ABAT: variants seen among roughly 807,000 people sequenced by gnomAD.
The protein encoded by ABAT is 4-aminobutyrate aminotransferase, mitochondrial.
In ABAT, 45 loss-of-function variants were observed where a neutral mutation model predicts 64.6. The observed-to-expected ratio is 0.70, with a 90% CI of 0.55 to 0.89. The LOEUF (loss-of-function observed/expected upper bound fraction) is 0.89. Among genes scored for constraint, ABAT ranks in the 40% least tolerant of loss-of-function variants. The pLI, the probability that ABAT is intolerant of heterozygous loss-of-function variation, is 0.00. For synonymous variants in ABAT, 297 were observed against 250.5 expected (o/e 1.19, Z -1.75); for missense variants, 633 against 658.4 (o/e 0.96, Z 0.42).
At position 8,738,016 on chromosome 16, in the gene ABAT, G is replaced by GAAAGAAAGAAAGAAA. The variant is rs377342959; in HGVS notation, c.70+2207_70+2208insAAAGAAAGAAAGAAA. ...GGAAAGAAAGAAAGAAAGAAAGAAA[G>GAAAGAAAGAAAGAAA]GAAAGAAAGAAAGAAGGACAGACAG... is the stretch of plus-strand genomic sequence containing the variant. On this transcript the variant is annotated intron_variant, in intron 2 of 15. Transcript: ENST00000268251. Among the ~76,000 whole-genome samples, 151 of 57,726 alleles carry GAAAGAAAGAAAGAAA rather than the reference G, an allele frequency of 2.6e-3. 18 individuals are homozygous for GAAAGAAAGAAAGAAA. Among genetic ancestry groups the GAAAGAAAGAAAGAAA allele is most frequent in the Middle Eastern group, 8.6e-3 (1 of 116 alleles). The allele number at this position is 57,726 out of a possible 152,430, so 37.9% of individuals were successfully genotyped here. A position where few individuals can be genotyped will look rare whatever the true frequency, so the allele number is the denominator to read the frequency against.
At position 8,764,775 on chromosome 16, in the gene ABAT, C is replaced by T. The variant is rs2059895143; in HGVS notation, c.485C>T (p.Ala162Val). 1.2e-6 allele frequency: 2 copies of T among 1,614,150 alleles called. No homozygotes were observed. Among genetic ancestry groups the T allele is most frequent in the Non-Finnish European group, 1.7e-6 (2 of 1,180,028 alleles). ...PKGMSQLITM[A>V]CGSCSNENAL... ...GGGATGTCCCAGCTCATCACCATGG[C>T]CTGCGGCTCCTGCTCCAATGAAAAC... Residue 162 changes from alanine to valine, a missense_variant, in exon 8 of 16, where the codon GCC (alanine) becomes GTC (valine). Ala to Val is a moderately conservative substitution (Grantham distance 64). Transcript: ENST00000268251. The surrounding 1 kb of genome is among the most constrained non-coding windows in gnomAD (Gnocchi z 4.2).
At chr16:8,778,466 T>G (rs1617601) in intron 14 of ABAT, among the ~76,000 whole-genome samples, 10,290 of 152,200 alleles carry the variant, frequency 0.068, 489 homozygotes, top group Admixed American at 0.15. Flanking sequence ...CCAGATTGTC[T>G]TCTTCTTATA....
chr16:8,702,703 G>A (rs1017694572), intron 1 of ABAT, among the ~76,000 whole-genome samples: 3 of 79,906 alleles, frequency 3.8e-5, no homozygotes, highest in South Asian at 4.6e-4. Context: ...ACGTTTCAAC[G>A]TGAGATTTGG....
At position 8,773,043 on chromosome 16, in the gene ABAT, G is replaced by T. The variant is rs546908284; in HGVS notation, c.954+126G>T. ...ATCTCCAGACTTGCAGAGGCTGTCT[G>T]TCAGCATCAGGGGTGGAGAAGTTGG... On this transcript the variant is annotated intron_variant, in intron 12 of 15. Transcript: ENST00000268251. 86 of 1,334,408 alleles carry T rather than the reference G, an allele frequency of 6.4e-5. 1 individual carries two copies. In the South Asian group the frequency reaches 9.2e-4, roughly 14 times the overall value. The allele number at this position is 1,334,408 out of a possible 1,614,324, so 82.7% of individuals were successfully genotyped here. A position where few individuals can be genotyped will look rare whatever the true frequency, so the allele number is the denominator to read the frequency against.
intron 11 of ABAT, among the ~76,000 whole-genome samples, chr16:8,771,510 A>G (rs2060109375): frequency 7.1e-6 from 1 of 141,602 alleles, no homozygotes; most frequent in Non-Finnish European, 1.5e-5. Context: ...TCTCTTGCCC[A>G]GGCTGGGGTG....
intron 1 of ABAT, among the ~76,000 whole-genome samples, chr16:8,711,810 G>GGATGGATA (rs1555485830): frequency 0.065 from 7,142 of 109,174 alleles, 257 homozygotes; most frequent in Middle Eastern, 0.13. Flanking sequence ...ATGGATGGAT[G>GGATGGATA]GATGGATGGA....
At chr16:8,689,988 A>G (rs1309726268) in intron 1 of ABAT, among the ~76,000 whole-genome samples, 2 of 152,210 alleles carry the variant, frequency 1.3e-5, no homozygotes, top group African/African-American at 4.8e-5. Context: ...CACCTTGAAT[A>G]TTCCAGATTT....
chr16:8,755,778 G>A (rs576790473), intron 5 of ABAT, among the ~76,000 whole-genome samples: 29 of 152,130 alleles, frequency 1.9e-4, no homozygotes, highest in South Asian at 6.2e-4. Context: ...GGCTGGGTAC[G>A]GTGACTACCG....
At chr16:8,693,600 C>T (rs2057634525) in intron 1 of ABAT, among the ~76,000 whole-genome samples, 1 of 152,148 alleles carries the variant, frequency 6.6e-6, no homozygotes, top group African/African-American at 2.4e-5. Flanking sequence ...TCCTGAGTAG[C>T]TGGGATTATA....
intron 11 of ABAT, among the ~76,000 whole-genome samples, 190 bp downstream of exon 11, chr16:8,769,163 CTG>C (rs2060030255): frequency 6.6e-6 from 1 of 152,202 alleles, no homozygotes; most frequent in African/African-American, 2.4e-5. Context: ...GTGAGACACA[CTG>C]TTTCTGTCAC....
chr16:8,720,156 C>G (rs2058327057), intron 1 of ABAT, among the ~76,000 whole-genome samples: 4 of 152,324 alleles, frequency 2.6e-5, no homozygotes, highest in Middle Eastern at 6.8e-3. Context: ...AGAAAATGGC[C>G]TGCAACAGGC....
intron 1 of ABAT, among the ~76,000 whole-genome samples, chr16:8,675,742 G>A (rs2057183361): frequency 6.6e-6 from 1 of 152,144 alleles, no homozygotes; most frequent in African/African-American, 2.4e-5. Context: ...AGCAGGACCA[G>A]CAGAGACCAC....
At position 8,772,763 on chromosome 16, in the gene ABAT, T is replaced by TC; in HGVS notation, c.817-13dup. ...AAGCCTCTGCCATCGGTGGTCACTT[T>TC]CCCCTTTGGGATCCAGGTGGAGGAT... is the stretch of plus-strand genomic sequence containing the variant. On this transcript the variant is annotated splice_polypyrimidine_tract_variant and intron_variant, in intron 11 of 15. Transcript: ENST00000268251. 3 of 1,613,998 alleles carry TC rather than the reference T, an allele frequency of 1.9e-6. No individual in the cohort carries two copies. Among genetic ancestry groups the TC allele is most frequent in the Non-Finnish European group, 2.5e-6 (3 of 1,179,962 alleles).
chr16:8,757,666 TGGAAA>T (rs753926885), intron 5 of ABAT, 86 bp from the exon 6 acceptor site: 64 of 1,353,000 alleles, frequency 4.7e-5, no homozygotes, highest in Middle Eastern at 3.6e-4. Flanking sequence ...GTTGGGGGGT[TGGAAA>T]GGAAGGGAGA....
At position 8,734,474 on chromosome 16, in the gene ABAT, TCA is replaced by T. The variant is rs901031495; in HGVS notation, c.-41-1218_-41-1217del. 2.6e-5 allele frequency among the ~76,000 whole-genome samples: 4 copies of T among 152,232 alleles called. No individual in the cohort carries two copies. The East Asian group carries it at 5.8e-4, about 22-fold the overall frequency. On this transcript the variant is annotated intron_variant, in intron 1 of 15. Transcript: ENST00000268251. ...ACTGTGAGGTTTGCTGACTCTGGGG[TCA>T]CACACATGTGAGTTCGGCTTTCAGA...
At chr16:8,740,752 G>A (rs1642541087) in intron 2 of ABAT, among the ~76,000 whole-genome samples, 1 of 152,182 alleles carries the variant, frequency 6.6e-6, no homozygotes, top group Non-Finnish European at 1.5e-5. Context: ...ACAGAGAGTG[G>A]GAGACCACAT....
intron 1 of ABAT, chr16:8,713,876 A>C (rs956460513): frequency 3.9e-5 from 18 of 456,002 alleles, no homozygotes; most frequent in Non-Finnish European, 7.1e-5. Flanking sequence ...GTGAGTGCAA[A>C]TGTGTATGTG....
At chr16:8,678,245 A>G (rs2057249967) in intron 1 of ABAT, among the ~76,000 whole-genome samples, 1 of 152,174 alleles carries the variant, frequency 6.6e-6, no homozygotes, top group Admixed American at 6.5e-5. Context: ...TCTTTAGTAG[A>G]GACAGAGTCG....
chr16:8,710,727 A>AGAGGGAGAGGGACG (rs1555485684), intron 1 of ABAT, among the ~76,000 whole-genome samples: 1 of 103,700 alleles, frequency 9.6e-6, no homozygotes, highest in Non-Finnish European at 2.1e-5. Flanking sequence ...AGAGAGAGAG[A>AGAGGGAGAGGGACG]GAGGAAATAG....
Sources: gnomAD v4.1 joint callset for allele counts (sites outside exome capture counted in the v4.1 genomes callset) on GRCh38, gnomAD v4.1.1 for gene constraint, Gnocchi (gnomAD v3.1) non-coding constraint, MANE v1.5 for transcripts, NCBI Gene and HGNC (gene_info 2026-07-23, HGNC 2026-07-21) for gene names.